The following ATP1A1 variants were observed in gnomAD, a reference collection of about 807,000 sequenced individuals.
The protein encoded by ATP1A1 is ATPase Na+/K+ transporting subunit alpha 1.
ATP1A1 carries 14 observed loss-of-function variants against 114.8 expected under a neutral mutation model. That is an observed-to-expected ratio of 0.12 (90% CI 0.08 to 0.19). The LOEUF (loss-of-function observed/expected upper bound fraction) is 0.19, where lower values mean the gene tolerates loss of function less well. Among genes scored for constraint, ATP1A1 ranks in the 10% least tolerant of loss-of-function variants. The pLI is 1.00. For synonymous variants in ATP1A1, 471 were observed against 466.3 expected (o/e 1.01, Z -0.13); for missense variants, 524 against 1,290.7 (o/e 0.41, Z 9.10).
In ATP1A1 at chr1:116,377,618, C is replaced by T. The variant is rs553382914; in HGVS notation, c.12+4095C>T. On this transcript the variant is annotated intron_variant, in intron 1 of 22. Transcript: ENST00000295598. ...TGTTCGCGGTTGATGATCATTTTTA[C>T]GTTTTTGAAGTCTTGCAAAATAAAA... 3.6e-3 allele frequency among the ~76,000 whole-genome samples: 541 copies of T among 152,308 alleles called. 3 individuals carry two copies. Among genetic ancestry groups the T allele is most frequent in the African/African-American group, 0.012 (508 of 41,566 alleles).
Position 116,401,485 on chromosome 1 carries a change from A to G in ATP1A1, c.2850-69A>G. ...ATAAAGATGTTGATCTGCCATTTTA[A>G]TGCATAGCATTAGAAGATAAACCTT... On this transcript the variant is annotated intron_variant, in intron 20 of 22. Transcript: ENST00000295598. This position sits in a 1 kb window ranked among gnomAD's most constrained non-coding sequence, Gnocchi z 4.7. The G allele has an allele frequency of 2.0e-6, 3 of 1,524,508 alleles. No homozygotes were observed. The highest frequency in any genetic ancestry group is 2.7e-6 in the Non-Finnish European group (3 of 1,104,204). The allele number at this position is 1,524,508 out of a possible 1,614,324, so 94.4% of individuals were successfully genotyped here.
rs780890449 is a variant in ATP1A1 at position 116,404,450 on chromosome 1, C to T, written c.*6C>T. The T allele has an allele frequency of 6.8e-6, 11 of 1,609,620 alleles. No individual in the cohort carries two copies. The highest frequency in any genetic ancestry group is 4.4e-5 in the South Asian group (4 of 90,412). Reference sequence around the variant, plus strand: ...AGAAGGAAACCTACTATTAGCCCCCCGTCCTGCACGCCGTGGAGCATCAGG... The same window carrying T: ...AGAAGGAAACCTACTATTAGCCCCCTGTCCTGCACGCCGTGGAGCATCAGG... On this transcript the variant is annotated 3_prime_UTR_variant, in exon 23 of 23. Coordinates refer to ENST00000295598, the MANE Select transcript of ATP1A1 (RefSeq NM_000701.8). The surrounding 1 kb of genome is among the most constrained non-coding windows in gnomAD (Gnocchi z 4.8).
chr1:116,391,600 AAC>A, intron 10 of ATP1A1, among the ~76,000 whole-genome samples: 1 of 152,184 alleles, frequency 6.6e-6, no homozygotes, highest in Non-Finnish European at 1.5e-5. Context: ...TGTGGGTATA[AAC>A]TAAGTTGCCA....
Position 116,384,965 on chromosome 1 carries a change from A to G in ATP1A1, c.183+123A>G, listed in dbSNP as rs1402031898. The G allele has an allele frequency of 1.1e-6, 1 of 920,402 alleles. No individual in the cohort carries two copies. The highest frequency in any genetic ancestry group is 1.4e-5 in the South Asian group (1 of 69,506). 57.0% of individuals were successfully genotyped at this position (920,402 alleles called of 1,614,324 possible). A position where few individuals can be genotyped will look rare whatever the true frequency, so the allele number is the denominator to read the frequency against. On this transcript the variant is annotated intron_variant, in intron 3 of 22. Transcript: ENST00000295598. This position sits in a 1 kb window ranked among gnomAD's most constrained non-coding sequence, Gnocchi z 5.1. ...AGAAAATGACAGACACCATCTGCGTATCTACCATGTGACATGCACAGAATT... is the reference window on the plus strand; with the variant it reads ...AGAAAATGACAGACACCATCTGCGTGTCTACCATGTGACATGCACAGAATT...
rs148719009 is a variant in ATP1A1, at chr1:116,392,944, G to A, written c.1423G>A (p.Ala475Thr). The change falls in exon 11 of 23, where the codon GCC becomes ACC. Residue 475 changes from alanine to threonine, a missense_variant. Physicochemically the swap from Ala to Thr is moderately conservative, Grantham distance 58 (BLOSUM62 0). This residue lies in a region of ATP1A1 where 143 missense variants were observed against 259.3 expected (regional missense o/e 0.55). Coordinates refer to ENST00000295598, the MANE Select transcript of ATP1A1 (RefSeq NM_000701.8). Reference sequence around the variant, plus strand: ...CGTGAAGGAGATGAGAGAAAGATACGCCAAAATCGTCGAGATACCCTTCAA... The same window carrying A: ...CGTGAAGGAGATGAGAGAAAGATACACCAAAATCGTCGAGATACCCTTCAA... ...GSVKEMRERY[A>T]KIVEIPFNST... 4.4e-5 allele frequency: 71 copies of A among 1,614,054 alleles called. No homozygotes were observed. Among genetic ancestry groups the A allele is most frequent in the South Asian group, 3.6e-4 (33 of 91,082 alleles).
chr1:116,386,135 A>G (rs1197121907), intron 3 of ATP1A1: 1 of 127,880 alleles, frequency 7.8e-6, no homozygotes, highest in East Asian at 2.1e-4. Context: ...TCAAAAAAAA[A>G]AAAAAAAAAA....
chr1:116,404,615 A>C lies in ATP1A1; in HGVS notation c.*171A>C, dbSNP rs1653822963. 7 of 809,646 alleles carry C rather than the reference A, an allele frequency of 8.6e-6. No individual in the cohort carries two copies. In the African/African-American group the frequency reaches 1.1e-4, roughly 13 times the overall value. 50.2% of individuals were successfully genotyped at this position (809,646 alleles called of 1,614,324 possible). ...ATGAAGCATGTAGCTCTATGGGGGG[A>C]GGGGGGAGGGCTGCCTGAAAACCAT... is the stretch of plus-strand genomic sequence containing the variant. On this transcript the variant is annotated 3_prime_UTR_variant, in exon 23 of 23. Transcript: ENST00000295598. The surrounding 1 kb of genome is among the most constrained non-coding windows in gnomAD (Gnocchi z 4.8).
At chr1:116,394,284 T>G (rs553050178) in intron 12 of ATP1A1, among the ~76,000 whole-genome samples, 1 of 152,332 alleles carries the variant, frequency 6.6e-6, no homozygotes, top group South Asian at 2.1e-4. Context: ...TTGTCTAATG[T>G]ATTTGGGAAA....
intron 1 of ATP1A1, chr1:116,374,390 C>A: frequency 2.5e-6 from 3 of 1,179,726 alleles, no homozygotes; most frequent in Admixed American, 2.2e-5. Flanking sequence ...CCCACCAGGG[C>A]CTCAGGGTAC....
Position 116,398,592 on chromosome 1 carries a change from A to G in ATP1A1, c.2125-29A>G. ...TCCATCGCTAGGAAAAGTGATTGGT[A>G]TTAACCCGTTTTCCCTTTTCTGGGG... On this transcript the variant is annotated intron_variant, in intron 15 of 22. Coordinates refer to ENST00000295598, the MANE Select transcript of ATP1A1 (RefSeq NM_000701.8). The surrounding 1 kb of genome is among the most constrained non-coding windows in gnomAD (Gnocchi z 6.1). The G allele has an allele frequency of 6.2e-7, 1 of 1,608,636 alleles. No homozygotes were observed. Among genetic ancestry groups the G allele is most frequent in the South Asian group, 1.1e-5 (1 of 90,212 alleles).
rs1173574671 is a variant in ATP1A1 at position 116,399,973 on chromosome 1, G to A, written c.2572+430G>A. Among the ~76,000 whole-genome samples the A allele has an allele frequency of 2.0e-5, 3 of 152,220 alleles. No individual in the cohort carries two copies. The highest frequency in any genetic ancestry group is 4.4e-5 in the Non-Finnish European group (3 of 68,048). On this transcript the variant is annotated intron_variant, in intron 18 of 22. Transcript: ENST00000295598. This position sits in a 1 kb window ranked among gnomAD's most constrained non-coding sequence, Gnocchi z 5.0. ...AGTATATGTGTTTGAGAGTTTGGCT[G>A]GTAGGTCACCACCAAAGGGTGATCC...
intron 1 of ATP1A1, among the ~76,000 whole-genome samples, chr1:116,382,165 T>C (rs1651789307): frequency 6.6e-6 from 1 of 152,106 alleles, no homozygotes. Context: ...AGAGTGAGAC[T>C]CCATCCCCAA....
rs548935285 is a variant in ATP1A1 at position 116,384,878 on chromosome 1, T to C, written c.183+36T>C. On this transcript the variant is annotated intron_variant, in intron 3 of 22. Coordinates refer to ENST00000295598, the MANE Select transcript of ATP1A1 (RefSeq NM_000701.8). The surrounding 1 kb of genome is among the most constrained non-coding windows in gnomAD (Gnocchi z 5.1). ...GTTTGAAAGCTGTTGTACAAAATCC[T>C]AGTTTTCCGTATTATATTTTCCCCT... 2.5e-5 allele frequency: 40 copies of C among 1,597,972 alleles called. No homozygotes were observed. The South Asian group carries it at 3.7e-4, about 15-fold the overall frequency.
Position 116,373,404 on chromosome 1 carries a change from C to T in ATP1A1, c.-108C>T. The T allele has an allele frequency of 8.2e-7, 1 of 1,213,022 alleles. No individual in the cohort carries two copies. The highest frequency in any genetic ancestry group is 1.5e-5 in the South Asian group (1 of 65,350). The allele number at this position is 1,213,022 out of a possible 1,614,324, so 75.1% of individuals were successfully genotyped here. ...CCCGCCCCGCGGCAGCCCTAGCTCC[C>T]TCCACTTGGCTCCCCTGGTCCCGCT... On this transcript the variant is annotated 5_prime_UTR_variant, in exon 1 of 23. Transcript: ENST00000295598.
At chr1:116,376,808 C>A (rs897385418) in intron 1 of ATP1A1, among the ~76,000 whole-genome samples, 7 of 152,060 alleles carry the variant, frequency 4.6e-5, no homozygotes, top group Non-Finnish European at 1.0e-4. Flanking sequence ...AAAAAAGATG[C>A]CTTTAAAAAT....
At chr1:116,402,608 G>A (rs1167628156) in intron 21 of ATP1A1, among the ~76,000 whole-genome samples, 1 of 151,176 alleles carries the variant, frequency 6.6e-6, no homozygotes, top group Non-Finnish European at 1.5e-5. Context: ...GTCCCAACCT[G>A]TCTTTATAGC....
At chr1:116,378,092 G>C (rs1483340463) in intron 1 of ATP1A1, among the ~76,000 whole-genome samples, 1 of 152,152 alleles carries the variant, frequency 6.6e-6, no homozygotes, top group Non-Finnish European at 1.5e-5. Flanking sequence ...CATTAGTTGT[G>C]CTGAAATCTG....
intron 21 of ATP1A1, 141 bp from the exon 22 acceptor site, chr1:116,403,743 T>C (rs1653731661): frequency 1.4e-6 from 1 of 698,706 alleles, no homozygotes; most frequent in Middle Eastern, 2.5e-4. Flanking sequence ...GTTCTGTTAA[T>C]GACTCAGTAG....
chr1:116,374,504 C>T (rs1251322694), intron 1 of ATP1A1, among the ~76,000 whole-genome samples: 1 of 152,072 alleles, frequency 6.6e-6, no homozygotes, highest in Non-Finnish European at 1.5e-5. Flanking sequence ...CTGAAGGAAA[C>T]GAGGGGTCTT....
Sources: gnomAD v4.1 joint callset for allele counts (sites outside exome capture counted in the v4.1 genomes callset) on GRCh38, gnomAD v4.1.1 for gene constraint, gnomAD v4.1.1 regional missense constraint, Gnocchi (gnomAD v3.1) non-coding constraint, MANE v1.5 for transcripts, NCBI Gene and HGNC (gene_info 2026-07-23, HGNC 2026-07-21) for gene names.